CNTN4: variants seen among roughly 807,000 people sequenced by gnomAD.
The protein encoded by CNTN4 is contactin-4.
A neutral mutation model predicts 122.5 loss-of-function variants in CNTN4; 77 were observed. The observed-to-expected ratio is 0.63, with a 90% CI of 0.52 to 0.76. The LOEUF (loss-of-function observed/expected upper bound fraction) is 0.76, where lower values mean the gene tolerates loss of function less well. Ranked by LOEUF, CNTN4 falls within the 30% of genes least tolerant of loss-of-function variation. CNTN4 has a pLI of 0.00. For missense variants in CNTN4, 1,256 were observed against 1,259.1 expected (o/e 1.00, Z 0.04); for synonymous variants, 512 against 447.0 (o/e 1.15, Z -1.83).
intron 2 of CNTN4, among the ~76,000 whole-genome samples, chr3:2,135,185 T>C (rs2125301470): frequency 6.6e-6 from 1 of 152,144 alleles, no homozygotes; most frequent in African/African-American, 2.4e-5. Context: ...AGATGGCCTG[T>C]GTGGACCTTG....
intron 13 of CNTN4, among the ~76,000 whole-genome samples, chr3:2,970,423 C>T (rs1466919174): frequency 1.3e-5 from 2 of 151,942 alleles, no homozygotes; most frequent in East Asian, 1.9e-4. Context: ...ACTAGAATGC[C>T]TTAATGATAA....
intron 7 of CNTN4, among the ~76,000 whole-genome samples, chr3:2,857,942 T>A (rs140289186): frequency 6.6e-6 from 1 of 152,302 alleles, no homozygotes; most frequent in East Asian, 1.9e-4. Context: ...AACAAAAGTA[T>A]GCAACTAAGG....
chr3:2,287,303 T>C (rs142117089), intron 2 of CNTN4, among the ~76,000 whole-genome samples: 1,582 of 152,242 alleles, frequency 0.01, 14 homozygotes, highest in Middle Eastern at 0.031. Flanking sequence ...AAATGGGCTG[T>C]GTATAAAGAT....
At chr3:2,475,952 A>C (rs1261748870) in intron 3 of CNTN4, among the ~76,000 whole-genome samples, 1 of 152,220 alleles carries the variant, frequency 6.6e-6, no homozygotes, top group Admixed American at 6.5e-5. Flanking sequence ...CAAAATGTAT[A>C]AAAGGTGTTC....
chr3:2,518,665 CAT>C (rs1340531009), intron 3 of CNTN4, among the ~76,000 whole-genome samples: 4 of 152,100 alleles, frequency 2.6e-5, no homozygotes, highest in African/African-American at 9.6e-5. Flanking sequence ...GTAAATAAAA[CAT>C]ATAGTTTTAC....
chr3:2,361,647 AT>A (rs778902873), intron 3 of CNTN4, among the ~76,000 whole-genome samples: 19 of 152,236 alleles, frequency 1.2e-4, no homozygotes, highest in East Asian at 9.6e-4. Flanking sequence ...TAGGCTGGAA[AT>A]TACATGTTCT....
At chr3:2,938,814 T>C (rs189256448) in intron 13 of CNTN4, among the ~76,000 whole-genome samples, 15 of 152,344 alleles carry the variant, frequency 9.8e-5, no homozygotes, top group African/African-American at 3.4e-4. Context: ...GTCCTTGAAC[T>C]ACCTCAGCCG....
rs116885687 is a variant in CNTN4, at chr3:3,043,549, G to A, written c.2699-43G>A. On this transcript the variant is annotated intron_variant, in intron 22 of 24. Coordinates refer to ENST00000418658, the MANE Select transcript of CNTN4 (RefSeq NM_175607.3). ...GGAGATATTCCTCAGAATCCATTGA[G>A]ACTTAATAATCTGTGACTTCGTATA... 857 of 1,420,674 alleles carry A rather than the reference G, an allele frequency of 6.0e-4. 12 individuals are homozygous for A. In the East Asian group the frequency reaches 0.019, roughly 32 times the overall value. The allele number at this position is 1,420,674 out of a possible 1,614,324, so 88.0% of individuals were successfully genotyped here. A position where few individuals can be genotyped will look rare whatever the true frequency, so the allele number is the denominator to read the frequency against.
chr3:2,616,613 T>C lies in CNTN4; in HGVS notation c.55+45055T>C, dbSNP rs1451559325. 2.0e-5 allele frequency among the ~76,000 whole-genome samples: 3 copies of C among 152,234 alleles called. No homozygotes were observed. In the East Asian group the frequency reaches 5.8e-4, roughly 29 times the overall value. ...TCCACCAACAGTATAAAAGCATTCC[T>C]ATTTCTCCATAGTGTCACCAGCGTC... On this transcript the variant is annotated intron_variant, in intron 4 of 24. Transcript: ENST00000418658.
intron 2 of CNTN4, among the ~76,000 whole-genome samples, chr3:2,324,301 A>AT (rs916777951): frequency 2.6e-5 from 4 of 151,876 alleles, no homozygotes; most frequent in Admixed American, 6.6e-5. Flanking sequence ...TGTCTGCAGC[A>AT]TTTTCTTCCC....
At chr3:2,843,878 T>C (rs976412093) in intron 7 of CNTN4, among the ~76,000 whole-genome samples, 2 of 152,338 alleles carry the variant, frequency 1.3e-5, no homozygotes, top group African/African-American at 4.8e-5. Context: ...AGTGACTCTT[T>C]TAAGTGTAAG....
intron 2 of CNTN4, among the ~76,000 whole-genome samples, chr3:2,190,906 G>T (rs183106732): frequency 5.9e-5 from 9 of 151,420 alleles, no homozygotes; most frequent in East Asian, 1.9e-4. Flanking sequence ...TTTCTATACA[G>T]TTCACATATA....
At chr3:2,784,155 C>A (rs972328659) in intron 6 of CNTN4, among the ~76,000 whole-genome samples, 1 of 152,058 alleles carries the variant, frequency 6.6e-6, no homozygotes, top group Non-Finnish European at 1.5e-5. Context: ...ACTATTCTTT[C>A]AGGAATGAGA....
intron 4 of CNTN4, among the ~76,000 whole-genome samples, chr3:2,590,436 G>A (rs751224259): frequency 6.6e-6 from 1 of 151,670 alleles, no homozygotes; most frequent in Non-Finnish European, 1.5e-5. Context: ...TTTGTATTTT[G>A]TGTAGAGACG....
Position 2,379,173 on chromosome 3 carries a change from A to T in CNTN4, c.-89+39940A>T, listed in dbSNP as rs142243426. 3.9e-5 allele frequency among the ~76,000 whole-genome samples: 6 copies of T among 152,220 alleles called. No individual in the cohort carries two copies. The East Asian group carries it at 1.2e-3, about 29-fold the overall frequency. The stretch of plus-strand genomic sequence containing the variant: ...GAGACAGTTTTCTAATAATCACAAC[A>T]TATATCCCATTTTTTCTTTTATTTC... On this transcript the variant is annotated intron_variant, in intron 3 of 24. Transcript: ENST00000418658.
chr3:2,953,391 A>G (rs2094766069), intron 13 of CNTN4, among the ~76,000 whole-genome samples: 1 of 150,756 alleles, frequency 6.6e-6, no homozygotes, highest in Non-Finnish European at 1.5e-5. Flanking sequence ...TCCCTCTGAA[A>G]TCCTTGTTTC....
In CNTN4 at chr3:2,580,600, G is replaced by T. The variant is rs7613357; in HGVS notation, c.55+9042G>T. On this transcript the variant is annotated intron_variant, in intron 4 of 24. Transcript: ENST00000418658. ...CTGATTTTAATCAGATATTTCACCT[G>T]AATGAAGAAACTTTGTTGGATGATG... Among the ~76,000 whole-genome samples the T allele has an allele frequency of 2.9e-3, 439 of 152,230 alleles. 3 individuals are homozygous for T. The highest frequency in any genetic ancestry group is 0.01 in the African/African-American group (428 of 41,528).
chr3:2,136,851 A>G (rs1204369595), intron 2 of CNTN4, among the ~76,000 whole-genome samples: 1 of 152,206 alleles, frequency 6.6e-6, no homozygotes, highest in African/African-American at 2.4e-5. Context: ...GTCTGTTCTT[A>G]TCCAACAACA....
chr3:2,756,633 A>G (rs770540718), intron 6 of CNTN4, among the ~76,000 whole-genome samples: 7 of 152,230 alleles, frequency 4.6e-5, no homozygotes, highest in African/African-American at 9.6e-5. Context: ...AGTAGATGAC[A>G]TCTTCCAAAA....
Sources: gnomAD v4.1 joint callset for allele counts (sites outside exome capture counted in the v4.1 genomes callset) on GRCh38, gnomAD v4.1.1 for gene constraint, MANE v1.5 for transcripts, NCBI Gene and HGNC (gene_info 2026-07-23, HGNC 2026-07-21) for gene names.